BCAS4: variants seen among roughly 807,000 people sequenced by gnomAD.
BCAS4 encodes breast carcinoma amplified sequence 4.
A neutral mutation model predicts 15.7 loss-of-function variants in BCAS4; 9 were observed. The observed-to-expected ratio is 0.57, with a 90% CI of 0.34 to 1.00. The LOEUF (loss-of-function observed/expected upper bound fraction) is 1.00, where lower values mean the gene tolerates loss of function less well. Among genes scored for constraint, BCAS4 ranks in the 50% least tolerant of loss-of-function variants. BCAS4 has a pLI of 0.02. For synonymous variants in BCAS4, 101 were observed against 99.5 expected (o/e 1.02, Z -0.09); for missense variants, 225 against 239.1 (o/e 0.94, Z 0.39).
intron 4 of BCAS4, among the ~76,000 whole-genome samples, chr20:50,858,720 C>T (rs971950418): frequency 7.6e-4 from 91 of 119,686 alleles, no homozygotes; most frequent in East Asian, 1.2e-3. Context: ...TTTTTTTTTT[C>T]TTGAATTTTT....
At chr20:50,879,392 C>T (rs1191195527), downstream of BCAS4, 2 of 152,316 alleles carry the variant, frequency 1.3e-5, no homozygotes, top group Non-Finnish European at 2.9e-5. Flanking sequence ...TGGTGCACCC[C>T]TGTAATCCCA....
At chr20:50,805,085 C>T (rs2087974160) in intron 1 of BCAS4, among the ~76,000 whole-genome samples, 1 of 152,048 alleles carries the variant, frequency 6.6e-6, no homozygotes, top group Non-Finnish European at 1.5e-5. Flanking sequence ...TTTGTTTAAG[C>T]AGCATTATTG....
intron 4 of BCAS4, among the ~76,000 whole-genome samples, chr20:50,874,391 A>G (rs1321381830): frequency 1.3e-5 from 2 of 151,946 alleles, no homozygotes; most frequent in Non-Finnish European, 2.9e-5. Context: ...GAGGCTGTGA[A>G]GGTCCTACAC....
intron 4 of BCAS4, among the ~76,000 whole-genome samples, chr20:50,875,717 T>A (rs1268518786): frequency 6.6e-6 from 1 of 150,912 alleles, no homozygotes; most frequent in Non-Finnish European, 1.5e-5. Context: ...AGGAGGTGAA[T>A]GTTGCAGTGA....
At chr20:50,854,160 A>G (rs1352558657) in intron 4 of BCAS4, among the ~76,000 whole-genome samples, 2 of 152,082 alleles carry the variant, frequency 1.3e-5, no homozygotes, top group Non-Finnish European at 2.9e-5. Flanking sequence ...AAAATATATG[A>G]AAGCAGGAAT....
intron 3 of BCAS4, among the ~76,000 whole-genome samples, chr20:50,839,663 C>T (rs1013640374): frequency 7.9e-5 from 12 of 152,130 alleles, no homozygotes; most frequent in African/African-American, 1.7e-4. Flanking sequence ...CCACCACACT[C>T]GGCTAATTTT....
chr20:50,859,097 G>A (rs1978931207), intron 4 of BCAS4, among the ~76,000 whole-genome samples: 1 of 151,736 alleles, frequency 6.6e-6, no homozygotes, highest in Non-Finnish European at 1.5e-5. Flanking sequence ...CACCATGCCC[G>A]GCTAATTTAT....
At chr20:50,867,208 C>T (rs563823492) in intron 4 of BCAS4, among the ~76,000 whole-genome samples, 14 of 152,318 alleles carry the variant, frequency 9.2e-5, no homozygotes, top group African/African-American at 3.1e-4. Context: ...GCTTCTGTTT[C>T]CCTAAAGTCT....
intron 1 of BCAS4, among the ~76,000 whole-genome samples, chr20:50,817,031 G>C (rs2088148127): frequency 6.6e-6 from 1 of 151,278 alleles, no homozygotes; most frequent in Non-Finnish European, 1.5e-5. Flanking sequence ...TCGATCTCCT[G>C]ACCTCGTGAT....
At chr20:50,798,657 G>C (rs530695066) in intron 1 of BCAS4, among the ~76,000 whole-genome samples, 1 of 152,256 alleles carries the variant, frequency 6.6e-6, no homozygotes, top group African/African-American at 2.4e-5. Context: ...GTCCATCTCA[G>C]CTTGGACTGG....
Position 50,875,725 on chromosome 20 carries a change from T to A in BCAS4, c.400-761T>A, listed in dbSNP as rs191474904. On this transcript the variant is annotated intron_variant, in intron 4 of 4. Coordinates refer to ENST00000371608, the MANE Select transcript of BCAS4 (RefSeq NM_198799.4). Reference sequence around the variant, plus strand: ...TGAACCCAGGAGGTGAATGTTGCAGTGAGCCAAGATGGCACCACTGTACTC... The same window carrying A: ...TGAACCCAGGAGGTGAATGTTGCAGAGAGCCAAGATGGCACCACTGTACTC... Among the ~76,000 whole-genome samples, 585 of 151,530 alleles carry A rather than the reference T, an allele frequency of 3.9e-3. 4 individuals carry two copies. Among genetic ancestry groups the A allele is most frequent in the Middle Eastern group, 0.017 (5 of 290 alleles).
At chr20:50,859,582 G>A (rs1978961011) in intron 4 of BCAS4, among the ~76,000 whole-genome samples, 1 of 152,204 alleles carries the variant, frequency 6.6e-6, no homozygotes, top group Admixed American at 6.5e-5. Flanking sequence ...GCCAGTGGGA[G>A]GCTCAGCCTG....
intron 4 of BCAS4, among the ~76,000 whole-genome samples, chr20:50,850,878 GC>G (rs1183988582): frequency 6.6e-6 from 1 of 152,238 alleles, no homozygotes; most frequent in Non-Finnish European, 1.5e-5. Flanking sequence ...TTCTTAGGGG[GC>G]GTGTCCAGGC....
intron 2 of BCAS4, among the ~76,000 whole-genome samples, chr20:50,820,142 C>T (rs1278510883): frequency 2.0e-5 from 3 of 152,308 alleles, no homozygotes; most frequent in Admixed American, 6.5e-5. Context: ...CCACCATGCC[C>T]GGCTGCATTG....
At chr20:50,825,082 C>A (rs2088263821) in intron 2 of BCAS4, among the ~76,000 whole-genome samples, 1 of 151,944 alleles carries the variant, frequency 6.6e-6, no homozygotes, top group Non-Finnish European at 1.5e-5. Flanking sequence ...TTCTCTGAGC[C>A]TCGGTTTTAT....
At chr20:50,857,193 G>A (rs185292787) in intron 4 of BCAS4, among the ~76,000 whole-genome samples, 2 of 152,216 alleles carry the variant, frequency 1.3e-5, no homozygotes, top group Non-Finnish European at 2.9e-5. Flanking sequence ...GTGCAATGGC[G>A]CGATCTCAGC....
At chr20:50,829,896 GTTAATA>G (rs1306383269) in intron 2 of BCAS4, among the ~76,000 whole-genome samples, 1 of 152,142 alleles carries the variant, frequency 6.6e-6, no homozygotes, top group East Asian at 1.9e-4. Flanking sequence ...TGATCAACTT[GTTAATA>G]TTAATTCCAA....
chr20:50,833,329 A>G (rs539465786), intron 3 of BCAS4, among the ~76,000 whole-genome samples: 132 of 152,268 alleles, frequency 8.7e-4, no homozygotes, highest in African/African-American at 3.1e-3. Context: ...CTTTATCCTG[A>G]GGAGGAGGAA....
At chr20:50,836,062 C>A (rs1327833516) in intron 3 of BCAS4, among the ~76,000 whole-genome samples, 1 of 152,040 alleles carries the variant, frequency 6.6e-6, no homozygotes, top group Admixed American at 6.6e-5. Context: ...GGATTACAGG[C>A]GCGTGCCACC....
Sources: gnomAD v4.1 joint callset for allele counts (sites outside exome capture counted in the v4.1 genomes callset) on GRCh38, gnomAD v4.1.1 for gene constraint, MANE v1.5 for transcripts, NCBI Gene and HGNC (gene_info 2026-07-23, HGNC 2026-07-21) for gene names.